Variants in PMS1 observed in about 807,000 individuals in gnomAD.
The protein encoded by PMS1 is PMS1 homolog 1, mismatch repair system component.
In PMS1, 79 loss-of-function variants were observed where a neutral mutation model predicts 93.1. That is an observed-to-expected ratio of 0.85 (90% CI 0.71 to 1.02). PMS1 has a LOEUF of 1.02. Ranked by LOEUF, PMS1 falls within the 50% of genes least tolerant of loss-of-function variation. The pLI, the probability that PMS1 is intolerant of heterozygous loss-of-function variation, is 0.00. For missense variants in PMS1, 1,064 were observed against 1,085.3 expected (o/e 0.98, Z 0.28); for synonymous variants, 335 against 363.4 (o/e 0.92, Z 0.89).
chr2:189,840,325 T>G (rs1384967484), intron 5 of PMS1, among the ~76,000 whole-genome samples: 1 of 152,206 alleles, frequency 6.6e-6, no homozygotes, highest in African/African-American at 2.4e-5. Flanking sequence ...TATAACTTAG[T>G]GTTTGCCTTA....
rs16823972 is a variant in PMS1 at position 189,805,918 on chromosome 2, C to T, written c.418+164C>T. ...AACATTCAGCCTTTATTCTAGCCAC[C>T]AATTTCTTAAATATTTAGAATTGTT... On this transcript the variant is annotated intron_variant, in intron 4 of 12. Transcript: ENST00000441310. 1,995 of 1,520,780 alleles carry T rather than the reference C, an allele frequency of 1.3e-3. 23 individuals are homozygous for T. In the African/African-American group the frequency reaches 0.025, roughly 19 times the overall value. 94.2% of individuals were successfully genotyped at this position (1,520,780 alleles called of 1,614,324 possible). A position where few individuals can be genotyped will look rare whatever the true frequency, so the allele number is the denominator to read the frequency against.
At chr2:189,871,244 G>A (rs2057117380) in intron 11 of PMS1, among the ~76,000 whole-genome samples, 1 of 152,042 alleles carries the variant, frequency 6.6e-6, no homozygotes, top group South Asian at 2.1e-4. Context: ...TGGCTTCCCT[G>A]GGACACATTG....
intron 9 of PMS1, among the ~76,000 whole-genome samples, chr2:189,862,205 T>C (rs1239127899): frequency 6.6e-6 from 1 of 152,202 alleles, no homozygotes; most frequent in Non-Finnish European, 1.5e-5. Flanking sequence ...TTTTATCATT[T>C]CTATTGATCT....
At chr2:189,804,602 G>C (rs2050175198) in intron 3 of PMS1, among the ~76,000 whole-genome samples, 1 of 152,098 alleles carries the variant, frequency 6.6e-6, no homozygotes, top group Non-Finnish European at 1.5e-5. Flanking sequence ...TTCCCTGCAT[G>C]CTACCAACAT....
intron 4 of PMS1, chr2:189,806,337 G>T: frequency 3.8e-6 from 1 of 264,586 alleles, no homozygotes; most frequent in Non-Finnish European, 7.3e-6. Context: ...TGTAGTTAGT[G>T]TTTTATATAC....
chr2:189,855,031 C>A lies in PMS1; in HGVS notation c.1759C>A (p.Pro587Thr). The change falls in exon 9 of 13, where the codon CCT (proline) becomes ACT (threonine). Residue 587 changes from proline (P) to threonine (T), a missense_variant. By Grantham distance (38) the Pro-to-Thr change is conservative. Coordinates refer to ENST00000441310, the MANE Select transcript of PMS1 (RefSeq NM_000534.5). ...TGCTCTTTTTGTTCAAGATCATCGT[C>A]CTCAGTTTCTCATAGAAAATCCTAA... ...ASALFVQDHR[P>T]QFLIENPKTS... 1 of 1,612,982 alleles carries A rather than the reference C, an allele frequency of 6.2e-7. No individual in the cohort carries two copies. Among genetic ancestry groups the A allele is most frequent in the South Asian group, 1.1e-5 (1 of 91,050 alleles).
chr2:189,818,278 T>C (rs1257602336), intron 5 of PMS1, 98 bp downstream of exon 5: 2 of 799,724 alleles, frequency 2.5e-6, no homozygotes, highest in Non-Finnish European at 4.1e-6. Context: ...ACTAAATGTT[T>C]GTGTGCCCTC....
chr2:189,803,483 T>C (rs905078003), intron 3 of PMS1, among the ~76,000 whole-genome samples: 1 of 152,206 alleles, frequency 6.6e-6, no homozygotes, highest in African/African-American at 2.4e-5. Context: ...ATTTCTTCTC[T>C]TGACACCACT....
chr2:189,863,552 C>T (rs892637465), intron 9 of PMS1, among the ~76,000 whole-genome samples, 191 bp from the exon 10 acceptor site: 9 of 152,092 alleles, frequency 5.9e-5, no homozygotes, highest in East Asian at 1.9e-4. Context: ...CCACTATGCC[C>T]GGCCAATAAT....
chr2:189,847,976 A>G (rs1461910168), intron 6 of PMS1, among the ~76,000 whole-genome samples: 1 of 152,140 alleles, frequency 6.6e-6, no homozygotes, highest in Non-Finnish European at 1.5e-5. Flanking sequence ...CCGGGGGAAA[A>G]TTCAGGCCAA....
At chr2:189,803,168 C>A (rs897160666) in intron 3 of PMS1, among the ~76,000 whole-genome samples, 3 of 152,040 alleles carry the variant, frequency 2.0e-5, no homozygotes, top group Admixed American at 2.0e-4. Context: ...CTTAGCCCCC[C>A]CAAAAACTCA....
At chr2:189,839,634 G>C (rs1217825955) in intron 5 of PMS1, among the ~76,000 whole-genome samples, 1 of 152,188 alleles carries the variant, frequency 6.6e-6, no homozygotes, top group African/African-American at 2.4e-5. Flanking sequence ...TGGCTTCTCT[G>C]TGCAACTGAC....
intron 2 of PMS1, among the ~76,000 whole-genome samples, chr2:189,794,097 T>C (rs995611681): frequency 6.6e-6 from 1 of 152,104 alleles, no homozygotes; most frequent in African/African-American, 2.4e-5. Context: ...GTTCCCAGAA[T>C]GTAAACTTAA....
At chr2:189,785,663 G>A (rs370817955) in intron 1 of PMS1, among the ~76,000 whole-genome samples, 10 of 152,316 alleles carry the variant, frequency 6.6e-5, no homozygotes, top group African/African-American at 1.9e-4. Context: ...GGTAAAGGGG[G>A]ACTGCAGGGG....
chr2:189,849,206 C>G (rs770072318), intron 6 of PMS1, among the ~76,000 whole-genome samples: 1 of 152,054 alleles, frequency 6.6e-6, no homozygotes, highest in Non-Finnish European at 1.5e-5. Context: ...CATTTCCCAT[C>G]GTGACTTTGT....
In PMS1 at chr2:189,844,770, A is replaced by T. The variant is rs575655256; in HGVS notation, c.699+690A>T. 3.9e-5 allele frequency among the ~76,000 whole-genome samples: 6 copies of T among 152,042 alleles called. No individual in the cohort carries two copies. The East Asian group carries it at 9.7e-4, about 24-fold the overall frequency. ...TCCCTAATACTGGATGACGTTCTTAACTCAAACTTTTCTTCTTACTCCTTC... is the reference window on the plus strand; with the variant it reads ...TCCCTAATACTGGATGACGTTCTTATCTCAAACTTTTCTTCTTACTCCTTC... On this transcript the variant is annotated intron_variant, in intron 6 of 12. Transcript: ENST00000441310.
intron 4 of PMS1, among the ~76,000 whole-genome samples, chr2:189,809,973 A>G (rs1328497698): frequency 2.0e-5 from 3 of 152,166 alleles, no homozygotes; most frequent in African/African-American, 7.2e-5. Context: ...TTACTTTCAT[A>G]TACACATTTA....
At chr2:189,822,379 C>G (rs891764400) in intron 5 of PMS1, among the ~76,000 whole-genome samples, 5 of 152,194 alleles carry the variant, frequency 3.3e-5, no homozygotes. Context: ...TTTTCTCCAG[C>G]CATTTCCCCA....
At chr2:189,850,805 A>C (rs1186642013) in intron 6 of PMS1, among the ~76,000 whole-genome samples, 1 of 152,122 alleles carries the variant, frequency 6.6e-6, no homozygotes. Flanking sequence ...GGCTGCAGGG[A>C]GTCAAATAAG....
Sources: allele counts gnomAD v4.1 joint callset (sites outside exome capture counted in the v4.1 genomes callset), GRCh38; gene constraint gnomAD v4.1.1; transcripts MANE v1.5; gene names NCBI Gene and HGNC (gene_info 2026-07-23, HGNC 2026-07-21).